MTPAP: variants seen among roughly 807,000 people sequenced by gnomAD.
The protein encoded by MTPAP is poly(A) RNA polymerase, mitochondrial.
MTPAP carries 23 observed loss-of-function variants against 48.7 expected under a neutral mutation model. The ratio of observed to expected loss-of-function variants is 0.47; its 90% CI spans 0.34 to 0.67. The LOEUF (loss-of-function observed/expected upper bound fraction) is 0.67, where lower values mean the gene tolerates loss of function less well. Among genes scored for constraint, MTPAP ranks in the 30% least tolerant of loss-of-function variants. The pLI, the probability that MTPAP is intolerant of heterozygous loss-of-function variation, is 0.01. For missense variants in MTPAP, 614 were observed against 694.3 expected, an observed-to-expected ratio of 0.88 and a Z score of 1.30; for synonymous variants, 257 against 254.1, an observed-to-expected ratio of 1.01 and a Z score of -0.11.
chr10:30,348,250 G>A lies in MTPAP; in HGVS notation c.157+869C>T, dbSNP rs1834893980. Among the ~76,000 whole-genome samples the A allele has an allele frequency of 1.3e-5, 2 of 152,108 alleles. 1 individual carries two copies. Among genetic ancestry groups the A allele is most frequent in the South Asian group, 4.1e-4 (2 of 4,828 alleles). On this transcript the variant is annotated intron_variant, in intron 1 of 8. Transcript: ENST00000263063. ...GATTTCTCACTGCCTGCCAATGTAA[G>A]TCTTTTATACAGTCTGATAAAGACA...
intron 8 of MTPAP, among the ~76,000 whole-genome samples, chr10:30,315,502 C>CAAAAAAAAAAA (rs72362075): frequency 1.6e-5 from 2 of 127,176 alleles, no homozygotes; most frequent in Non-Finnish European, 3.4e-5. Flanking sequence ...TTCATTTGCT[C>CAAAAAAAAAAA]AAAAAAAAAA....
At chr10:30,316,522 C>T (rs1045197314) in intron 6 of MTPAP, among the ~76,000 whole-genome samples, 10 of 150,696 alleles carry the variant, frequency 6.6e-5, no homozygotes, top group African/African-American at 9.8e-5. Flanking sequence ...GGATTACAGG[C>T]GTGAGCCACC....
rs772735834 is a variant in MTPAP, at chr10:30,322,585, A to G, written c.1025T>C (p.Ile342Thr). 4 of 1,613,818 alleles carry G rather than the reference A, an allele frequency of 2.5e-6. No individual in the cohort carries two copies. In the Admixed American group the frequency reaches 5.0e-5, roughly 20 times the overall value. Residue 342 changes from isoleucine (I) to threonine (T), a missense_variant, in exon 6 of 9, where the codon ATA becomes ACA. Physicochemically the swap from Ile to Thr is moderately conservative, Grantham distance 89 (BLOSUM62 -1). Coordinates refer to ENST00000263063, the MANE Select transcript of MTPAP (RefSeq NM_018109.4). ...CACTCTTGAGTCTAGGGCACCATATATATAAAGGAGTTCGGAACTTGTCAA... is the reference window on the plus strand; with the variant it reads ...CACTCTTGAGTCTAGGGCACCATATGTATAAAGGAGTTCGGAACTTGTCAA... ...IALTSSELLY[I>T]YGALDSRVRA...
At position 30,313,726 on chromosome 10, in the gene MTPAP, C is replaced by T. The variant is rs1257725055; in HGVS notation, c.1632G>A (p.Lys544=). Residue 544 remains lysine, a synonymous_variant, in exon 9 of 9, where the codon AAG becomes AAA. Coordinates refer to ENST00000263063, the MANE Select transcript of MTPAP (RefSeq NM_018109.4). The part of the protein sequence containing the change: ...SAPNRKSFTK[K]KSNKFAIETV... ...TTTCAATTGCAAACTTATTGCTTTT[C>T]TTCTTGGTAAAGGACTTTCTGTTTG... is the stretch of plus-strand genomic sequence containing the variant. 33 of 1,613,994 alleles carry T rather than the reference C, an allele frequency of 2.0e-5. No individual in the cohort carries two copies. The highest frequency in any genetic ancestry group is 5.3e-5 in the African/African-American group (4 of 74,906).
rs767658869 is a variant in MTPAP at position 30,336,814 on chromosome 10, TGAG to T, written c.766_768del (p.Leu256del). ...AGAAATAGACTTACCTTGTGAGCGC[TGAG>T]GTTTCTGGTTTCATCTAGATCCAAA... On this transcript the variant is annotated inframe_deletion, in exon 4 of 9. Coordinates refer to ENST00000263063, the MANE Select transcript of MTPAP (RefSeq NM_018109.4). 1.2e-6 allele frequency: 2 copies of T among 1,606,482 alleles called. No homozygotes were observed. The highest frequency in any genetic ancestry group is 2.2e-5 in the South Asian group (2 of 90,882).
At chr10:30,332,056 G>GA (rs1407557855) in intron 4 of MTPAP, among the ~76,000 whole-genome samples, 1 of 152,170 alleles carries the variant, frequency 6.6e-6, no homozygotes, top group Non-Finnish European at 1.5e-5. Context: ...AGATATCAAA[G>GA]AAACAAAAGG....
rs759879452 is a variant in MTPAP at position 30,322,400 on chromosome 10, T to C, written c.1210A>G (p.Thr404Ala). Reference protein sequence around the residue: ...PILPTLDSLKTLADAEDKCVI... With the variant: ...PILPTLDSLKALADAEDKCVI... ...TTCTTTCTAGTCTTACCTGCTAGGG[T>C]TTTTAAGGAATCTAGTGTTGGAAGA... Residue 404 changes from threonine (T) to alanine (A), a missense_variant, in exon 6 of 9, where the codon ACC becomes GCC. Coordinates refer to ENST00000263063, the MANE Select transcript of MTPAP (RefSeq NM_018109.4). 13 of 1,603,370 alleles carry C rather than the reference T, an allele frequency of 8.1e-6. No individual in the cohort carries two copies. The South Asian group carries it at 1.4e-4, about 18-fold the overall frequency.
At chr10:30,325,770 A>G (rs928870182) in intron 5 of MTPAP, among the ~76,000 whole-genome samples, 1 of 149,918 alleles carries the variant, frequency 6.7e-6, no homozygotes, top group Admixed American at 6.7e-5. Context: ...ATGATAAAAA[A>G]ATGAAATAAA....
In MTPAP at chr10:30,313,872, G is replaced by A. The variant is rs942093039; in HGVS notation, c.1486C>T (p.Gln496Ter). ...TCTCGGGCCAAATCTACAAATTTTT[G>A]CAGCTGGCTTTGACTTACATTTTTG... ...ISKNVSQSQL[Q>*]KFVDLARESA... The change falls in exon 9 of 9, where the codon CAA becomes TAA. Residue 496 changes from glutamine to a stop codon, truncating the protein, a stop_gained. Coordinates refer to ENST00000263063, the MANE Select transcript of MTPAP (RefSeq NM_018109.4). LOFTEE classifies it low-confidence loss of function (END_TRUNC). 1 of 1,614,112 alleles carries A rather than the reference G, an allele frequency of 6.2e-7. No homozygotes were observed. The highest frequency in any genetic ancestry group is 8.5e-7 in the Non-Finnish European group (1 of 1,180,020).
In MTPAP at chr10:30,327,600, C is replaced by A. The variant is rs187141683; in HGVS notation, c.781-965G>T. On this transcript the variant is annotated intron_variant, in intron 4 of 8. Transcript: ENST00000263063. ...GTGGCTCATGCCTGCAATCTCAGCACTTTGGGAGGCAGAAACAGGCAGATA... is the reference window on the plus strand; with the variant it reads ...GTGGCTCATGCCTGCAATCTCAGCAATTTGGGAGGCAGAAACAGGCAGATA... Among the ~76,000 whole-genome samples, 563 of 151,934 alleles carry A rather than the reference C, an allele frequency of 3.7e-3. 3 individuals carry two copies. Among genetic ancestry groups the A allele is most frequent in the African/African-American group, 0.013 (540 of 41,428 alleles).
intron 6 of MTPAP, among the ~76,000 whole-genome samples, chr10:30,316,629 C>T (rs1368204582): frequency 6.6e-6 from 1 of 151,532 alleles, no homozygotes; most frequent in Non-Finnish European, 1.5e-5. Flanking sequence ...GTGGCTCACA[C>T]CTGTAATCCC....
rs188368503 is a variant in MTPAP at position 30,335,191 on chromosome 10, A to G, written c.780+1612T>C. Among the ~76,000 whole-genome samples the G allele has an allele frequency of 2.2e-3, 331 of 152,360 alleles. 1 individual carries two copies. Among genetic ancestry groups the G allele is most frequent in the African/African-American group, 7.6e-3 (314 of 41,568 alleles). Reference sequence around the variant, plus strand: ...GCCATAGAAACTAAACATTTTATAAAAACACATAGCCTTGGCCGCGTGTGG... The same window carrying G: ...GCCATAGAAACTAAACATTTTATAAGAACACATAGCCTTGGCCGCGTGTGG... On this transcript the variant is annotated intron_variant, in intron 4 of 8. Coordinates refer to ENST00000263063, the MANE Select transcript of MTPAP (RefSeq NM_018109.4).
intron 4 of MTPAP, 99 bp downstream of exon 4, chr10:30,336,704 T>A (rs1354989812): frequency 1.3e-5 from 13 of 965,240 alleles, no homozygotes; most frequent in Non-Finnish European, 2.2e-5. Context: ...GTTTAATAAG[T>A]TTAGAAATCA....
intron 1 of MTPAP, chr10:30,348,868 G>A (rs1313243351): frequency 3.7e-6 from 2 of 545,640 alleles, no homozygotes; most frequent in African/African-American, 1.9e-5. Flanking sequence ...TGAATTTCAT[G>A]GAAGTCTAAA....
chr10:30,323,095 C>T (rs1280788172), intron 5 of MTPAP, among the ~76,000 whole-genome samples: 1 of 133,892 alleles, frequency 7.5e-6, no homozygotes, highest in Non-Finnish European at 1.5e-5. Context: ...TACCAGTGTA[C>T]TCCAGTCTGG....
chr10:30,327,280 G>C (rs1834609077), intron 4 of MTPAP, among the ~76,000 whole-genome samples: 4 of 150,486 alleles, frequency 2.7e-5, no homozygotes, highest in Middle Eastern at 6.9e-3. Flanking sequence ...TTGAGGTCAG[G>C]AGTTCAAAAC....
At chr10:30,345,859 CA>C (rs1316714351) in intron 1 of MTPAP, among the ~76,000 whole-genome samples, 39 of 151,926 alleles carry the variant, frequency 2.6e-4, no homozygotes, top group African/African-American at 8.9e-4. Flanking sequence ...CCAGCCTGGC[CA>C]ACATAGTGAA....
rs572855461 is a variant in MTPAP at position 30,310,265 on chromosome 10, T to C, written c.*3344A>G. On this transcript the variant is annotated 3_prime_UTR_variant, in exon 9 of 9. Transcript: ENST00000263063. The stretch of plus-strand genomic sequence containing the variant: ...ATATTTGTCTGTAGTCTATATTCAG[T>C]TGAACAGACTTTAAAACTGTGTATT... 1 of 152,292 alleles carries C rather than the reference T, an allele frequency of 6.6e-6. No homozygotes were observed. The highest frequency in any genetic ancestry group is 2.1e-4 in the South Asian group (1 of 4,820). The allele number at this position is 152,292 out of a possible 1,614,324, so 9.4% of individuals were successfully genotyped here.
At chr10:30,347,609 T>C (rs1834887500) in intron 1 of MTPAP, among the ~76,000 whole-genome samples, 1 of 152,208 alleles carries the variant, frequency 6.6e-6, no homozygotes, top group Non-Finnish European at 1.5e-5. Flanking sequence ...TGAGTTTTAC[T>C]GGCTGGGCGC....
Sources: gnomAD v4.1 joint callset for allele counts (sites outside exome capture counted in the v4.1 genomes callset) on GRCh38, gnomAD v4.1.1 for gene constraint, MANE v1.5 for transcripts, NCBI Gene and HGNC (gene_info 2026-07-23, HGNC 2026-07-21) for gene names.